Variants in SMIM35 observed in about 807,000 individuals in gnomAD.
SMIM35 encodes TMPRSS4 antisense RNA 1 (non-protein coding).
At chr11:118,063,434 C>G (rs990487414) in intron 1 of SMIM35, among the ~76,000 whole-genome samples, 19 of 152,172 alleles carry the variant, frequency 1.2e-4, no homozygotes, top group African/African-American at 4.6e-4. Context: ...CTTCTTTACC[C>G]TCTTCATGTT....
chr11:118,056,724 G>A (rs965189819), intron 1 of SMIM35, among the ~76,000 whole-genome samples: 14 of 152,160 alleles, frequency 9.2e-5, no homozygotes, highest in African/African-American at 1.4e-4. Context: ...TGGAGATGAC[G>A]GAGAAGATCC....
chr11:118,051,823 T>TTGATAC (rs1481933075), intron 1 of SMIM35, among the ~76,000 whole-genome samples: 3 of 122,040 alleles, frequency 2.5e-5, no homozygotes, highest in African/African-American at 1.0e-4. Context: ...TTAGTTTAGG[T>TTGATAC]TGATACTAAT....
Position 118,038,617 on chromosome 11 carries a change from G to T in SMIM35, c.8-22808C>A, listed in dbSNP as rs185371295. ...TCAACACAACAGAATAAAAATGGTA[G>T]AAAACACTCTTTGATGTTTCTGGTA... On this transcript the variant is annotated intron_variant, in intron 1 of 4. Transcript: ENST00000689828. 4.2e-3 allele frequency among the ~76,000 whole-genome samples: 639 copies of T among 151,810 alleles called. 3 individuals are homozygous for T. Among genetic ancestry groups the T allele is most frequent in the African/African-American group, 0.015 (625 of 41,376 alleles).
intron 1 of SMIM35, among the ~76,000 whole-genome samples, chr11:118,030,854 T>A (rs2058313173): frequency 6.6e-6 from 1 of 151,854 alleles, no homozygotes; most frequent in Non-Finnish European, 1.5e-5. Flanking sequence ...TGTTAGGGGT[T>A]ATGGCCCACC....
At chr11:118,008,610 A>C (rs1230940835) in intron 4 of SMIM35, among the ~76,000 whole-genome samples, 1 of 152,276 alleles carries the variant, frequency 6.6e-6, no homozygotes, top group African/African-American at 2.4e-5. Context: ...TCAGAAATGT[A>C]ACTGATCATG....
At chr11:118,042,068 A>AAAAGAG (rs1555073518) in intron 1 of SMIM35, among the ~76,000 whole-genome samples, 25 of 117,886 alleles carry the variant, frequency 2.1e-4, no homozygotes, top group Non-Finnish European at 3.1e-4. Flanking sequence ...AAAAAAAAAA[A>AAAAGAG]AGAGAGAGAG....
At chr11:118,030,232 G>T (rs188622853) in intron 1 of SMIM35, among the ~76,000 whole-genome samples, 54 of 151,888 alleles carry the variant, frequency 3.6e-4, no homozygotes, top group Non-Finnish European at 5.6e-4. Context: ...ATGGGGTTTC[G>T]CCATGTTGGC....
rs1033759831 is a variant in SMIM35, at chr11:118,086,837, A to T, written c.-80T>A. On this transcript the variant is annotated 5_prime_UTR_variant, in exon 1 of 5. Transcript: ENST00000689828. ...CTGCCTATTCCAGCTGCAAGTGGAGAGGACACAGCTGCTTGCCGTTGGTTT... is the reference window on the plus strand; with the variant it reads ...CTGCCTATTCCAGCTGCAAGTGGAGTGGACACAGCTGCTTGCCGTTGGTTT... 3.3e-5 allele frequency: 5 copies of T among 152,796 alleles called. No individual in the cohort carries two copies. The highest frequency in any genetic ancestry group is 5.9e-5 in the Non-Finnish European group (4 of 68,174). The allele number at this position is 152,796 out of a possible 1,614,324, so 9.5% of individuals were successfully genotyped here. A position where few individuals can be genotyped will look rare whatever the true frequency, so the allele number is the denominator to read the frequency against.
chr11:118,064,478 C>A (rs1311659418), intron 1 of SMIM35, among the ~76,000 whole-genome samples: 1 of 152,164 alleles, frequency 6.6e-6, no homozygotes, highest in Non-Finnish European at 1.5e-5. Flanking sequence ...GAGAAGAAAT[C>A]TCCCTATGTT....
At chr11:118,026,360 G>A (rs2058273778) in intron 1 of SMIM35, among the ~76,000 whole-genome samples, 2 of 152,140 alleles carry the variant, frequency 1.3e-5, no homozygotes, top group Non-Finnish European at 2.9e-5. Context: ...ATACTGAGGT[G>A]GGCCAATCTT....
intron 1 of SMIM35, among the ~76,000 whole-genome samples, chr11:118,060,134 C>A (rs528901086): frequency 2.0e-5 from 3 of 152,164 alleles, no homozygotes; most frequent in Admixed American, 6.5e-5. Flanking sequence ...CCAATTCCCG[C>A]GCTCTAGGGG....
chr11:118,012,221 C>A (rs997186312), intron 4 of SMIM35, among the ~76,000 whole-genome samples: 3 of 152,204 alleles, frequency 2.0e-5, no homozygotes, highest in Non-Finnish European at 4.4e-5. Context: ...TTCTCTTGCC[C>A]TACTCCATCC....
At chr11:118,018,606 G>C (rs940730955) in intron 1 of SMIM35, among the ~76,000 whole-genome samples, 2 of 152,166 alleles carry the variant, frequency 1.3e-5, no homozygotes, top group Non-Finnish European at 2.9e-5. Flanking sequence ...GTGGAAGCTG[G>C]GGTTTGAAGG....
At chr11:118,046,565 G>A (rs1475412466) in intron 1 of SMIM35, among the ~76,000 whole-genome samples, 1 of 152,148 alleles carries the variant, frequency 6.6e-6, no homozygotes, top group Non-Finnish European at 1.5e-5. Flanking sequence ...CCTTAAGTCT[G>A]AGCCAAGTTG....
intron 1 of SMIM35, among the ~76,000 whole-genome samples, chr11:118,063,026 G>A (rs527523755): frequency 1.7e-4 from 26 of 152,262 alleles, no homozygotes; most frequent in Non-Finnish European, 3.5e-4. Context: ...CCAGCGCCAA[G>A]ACGGTTTACA....
chr11:118,043,581 C>T (rs867416963), intron 1 of SMIM35, among the ~76,000 whole-genome samples: 6 of 151,902 alleles, frequency 3.9e-5, no homozygotes, highest in African/African-American at 1.5e-4. Flanking sequence ...GAGGCTGAGG[C>T]GGGCCGAACA....
At chr11:118,046,058 C>T (rs1944093373) in intron 1 of SMIM35, among the ~76,000 whole-genome samples, 1 of 152,214 alleles carries the variant, frequency 6.6e-6, no homozygotes, top group South Asian at 2.1e-4. Context: ...AAGTTATTTT[C>T]CTTCACTTAG....
chr11:118,067,258 C>T (rs1944489828), intron 1 of SMIM35: 1 of 152,250 alleles, frequency 6.6e-6, no homozygotes. Context: ...TGGCACGTGC[C>T]TGTAGTCACA....
At chr11:118,024,554 C>A (rs2058258803) in intron 1 of SMIM35, among the ~76,000 whole-genome samples, 1 of 151,256 alleles carries the variant, frequency 6.6e-6, no homozygotes, top group Non-Finnish European at 1.5e-5. Context: ...CTCACTGCAA[C>A]CTCGACCTCC....
Sources: gnomAD v4.1 joint callset for allele counts (sites outside exome capture counted in the v4.1 genomes callset) on GRCh38, gnomAD v4.1.1 for gene constraint, MANE v1.5 for transcripts, NCBI Gene and HGNC (gene_info 2026-07-23, HGNC 2026-07-21) for gene names.